ABHD6: variants seen among roughly 807,000 people sequenced by gnomAD.
ABHD6 encodes the protein abhydrolase domain containing 6, acylglycerol lipase.
A neutral mutation model predicts 38.8 loss-of-function variants in ABHD6; 33 were observed. That is an observed-to-expected ratio of 0.85 (90% CI 0.64 to 1.14). ABHD6 has a LOEUF of 1.14. Among genes scored for constraint, ABHD6 ranks in the 50% most tolerant of loss-of-function variants. The pLI, the probability that ABHD6 is intolerant of heterozygous loss-of-function variation, is 0.00. For synonymous variants in ABHD6, 147 were observed against 161.6 expected (o/e 0.91, Z 0.69); for missense variants, 380 against 422.6 (o/e 0.90, Z 0.88).
chr3:58,279,044 G>A (rs2097450935), intron 7 of ABHD6, among the ~76,000 whole-genome samples: 1 of 152,202 alleles, frequency 6.6e-6, no homozygotes, highest in Non-Finnish European at 1.5e-5. Flanking sequence ...TTTAGAATAA[G>A]TGTGATGTGG....
rs1313302221 is a variant in ABHD6 at position 58,293,519 on chromosome 3, C to T, written c.838-70C>T. ...CCCCTGCCAGGCCTTGGTGGAAGTT[C>T]TGTCCACAGAGTGCACACGTGGGTG... On this transcript the variant is annotated intron_variant, in intron 9 of 9. Coordinates refer to ENST00000478253, the MANE Select transcript of ABHD6 (RefSeq NM_001320126.2). This position sits in a 1 kb window ranked among gnomAD's most constrained non-coding sequence, Gnocchi z 4.4. 2.6e-6 allele frequency: 4 copies of T among 1,529,514 alleles called. No homozygotes were observed. In the East Asian group the frequency reaches 6.8e-5, roughly 26 times the overall value. The allele number at this position is 1,529,514 out of a possible 1,614,324, so 94.7% of individuals were successfully genotyped here.
rs372266357 is a variant in ABHD6 at position 58,255,541 on chromosome 3, C to T, written c.-25-1021C>T. On this transcript the variant is annotated intron_variant, in intron 2 of 9. Coordinates refer to ENST00000478253, the MANE Select transcript of ABHD6 (RefSeq NM_001320126.2). ...GTGGTGCAATCATAGCTTACTACAG[C>T]TTCAAACTCCTGGGCTCAAGTGATC... is the stretch of plus-strand genomic sequence containing the variant. Among the ~76,000 whole-genome samples, 6 of 151,376 alleles carry T rather than the reference C, an allele frequency of 4.0e-5. No homozygotes were observed. The East Asian group carries it at 5.8e-4, about 15-fold the overall frequency.
At chr3:58,248,329 T>C (rs1288703661) in intron 1 of ABHD6, among the ~76,000 whole-genome samples, 1 of 152,250 alleles carries the variant, frequency 6.6e-6, no homozygotes, top group Non-Finnish European at 1.5e-5. Flanking sequence ...CTTTTGCCAT[T>C]ATGAATACTA....
chr3:58,268,924 A>G (rs1365944760), intron 4 of ABHD6, among the ~76,000 whole-genome samples: 3 of 152,194 alleles, frequency 2.0e-5, no homozygotes, highest in Non-Finnish European at 2.9e-5. Flanking sequence ...GGAGCTGGCT[A>G]GGATATGAGA....
intron 1 of ABHD6, among the ~76,000 whole-genome samples, chr3:58,246,758 A>G (rs4681829): frequency 0.74 from 113,204 of 152,244 alleles, 43,342 homozygotes; most frequent in East Asian, 1. Context: ...AGGATAGAAC[A>G]ATAAGAACGT....
chr3:58,237,857 A>G lies in ABHD6; in HGVS notation c.-150A>G, dbSNP rs1575508286. On this transcript the variant is annotated 5_prime_UTR_variant, in exon 1 of 10. Coordinates refer to ENST00000478253, the MANE Select transcript of ABHD6 (RefSeq NM_001320126.2). The stretch of plus-strand genomic sequence containing the variant: ...CGGCGGCAGGTCCCAGCCCGGGGCT[A>G]GAGACCGAGGGCCGGGGTCCGGGCC... 6.6e-6 allele frequency: 1 copy of G among 151,600 alleles called. No homozygotes were observed. Among genetic ancestry groups the G allele is most frequent in the Non-Finnish European group, 1.5e-5 (1 of 67,904 alleles). 9.4% of individuals were successfully genotyped at this position (151,600 alleles called of 1,614,324 possible). A position where few individuals can be genotyped will look rare whatever the true frequency, so the allele number is the denominator to read the frequency against.
intron 1 of ABHD6, among the ~76,000 whole-genome samples, chr3:58,248,752 G>C (rs6445963): frequency 6.6e-6 from 1 of 152,114 alleles, no homozygotes; most frequent in East Asian, 1.9e-4. Context: ...TGCATTTTAC[G>C]TAGCCACAGA....
chr3:58,252,942 A>G (rs2097431008), intron 2 of ABHD6, among the ~76,000 whole-genome samples: 1 of 152,226 alleles, frequency 6.6e-6, no homozygotes. Context: ...CTGTACAGAA[A>G]ACTCAGAATT....
chr3:58,275,923 A>G (rs1051135636), intron 7 of ABHD6, among the ~76,000 whole-genome samples: 2 of 152,138 alleles, frequency 1.3e-5, no homozygotes, highest in Non-Finnish European at 2.9e-5. Context: ...AGCTTCATCC[A>G]TGTCCCTGTA....
At position 58,256,346 on chromosome 3, in the gene ABHD6, TTTTTTTTTTTTAC is replaced by T. The variant is rs2097433335; in HGVS notation, c.-25-215_-25-203del. Among the ~76,000 whole-genome samples the T allele has an allele frequency of 8.0e-5, 1 of 12,514 alleles. No individual in the cohort carries two copies. Among genetic ancestry groups the T allele is most frequent in the South Asian group, 5.2e-3 (1 of 192 alleles). The allele number at this position is 12,514 out of a possible 152,430, so 8.2% of individuals were successfully genotyped here. On this transcript the variant is annotated intron_variant, in intron 2 of 9. Transcript: ENST00000478253. This position sits in a 1 kb window ranked among gnomAD's most constrained non-coding sequence, Gnocchi z 4.3. ...TGTCCCAACTATGTCCTTTATAATG[TTTTTTTTTTTTAC>T]AAATCCAGGCTCCTCTGAAAAGTTC... is the stretch of plus-strand genomic sequence containing the variant.
intron 7 of ABHD6, among the ~76,000 whole-genome samples, chr3:58,279,269 A>G (rs1218349782): frequency 6.6e-6 from 1 of 152,168 alleles, no homozygotes; most frequent in East Asian, 1.9e-4. Context: ...AGCTTGCTTT[A>G]TGAATCTGGG....
chr3:58,290,158 G>A (rs1251303730), intron 9 of ABHD6, among the ~76,000 whole-genome samples: 3 of 107,532 alleles, frequency 2.8e-5, no homozygotes, highest in Non-Finnish European at 3.8e-5. Context: ...GCGGCTGGCC[G>A]GGCGGGGGGC....
intron 2 of ABHD6, among the ~76,000 whole-genome samples, chr3:58,254,674 C>T (rs1022562381): frequency 1.3e-5 from 2 of 152,126 alleles, no homozygotes; most frequent in East Asian, 3.9e-4. Flanking sequence ...TTTGGTGAGT[C>T]CTGCACACTT....
intron 7 of ABHD6, among the ~76,000 whole-genome samples, chr3:58,276,365 A>G (rs1483182628): frequency 6.6e-6 from 1 of 152,194 alleles, no homozygotes; most frequent in African/African-American, 2.4e-5. Context: ...TCTGATGACC[A>G]GTGATGATGA....
At position 58,274,735 on chromosome 3, in the gene ABHD6, C is replaced by T. The variant is rs1288314612; in HGVS notation, c.601C>T (p.Pro201Ser). The change falls in exon 7 of 10, where the codon CCC becomes TCC. Residue 201 changes from proline (P) to serine (S), a missense_variant. Transcript: ENST00000478253. Reference sequence around the variant, plus strand: ...GGGCTCTGCCGCCGTGGAGAAGATTCCCTTGATCCCGTCTACCCCAGAAGA... The same window carrying T: ...GGGCTCTGCCGCCGTGGAGAAGATTTCCTTGATCCCGTCTACCCCAGAAGA... ...LQGSAAVEKIPLIPSTPEEMS... is the reference protein window; with the variant it reads ...LQGSAAVEKISLIPSTPEEMS... 1 of 1,614,194 alleles carries T rather than the reference C, an allele frequency of 6.2e-7. No homozygotes were observed. The highest frequency in any genetic ancestry group is 1.1e-5 in the South Asian group (1 of 91,082).
At position 58,287,030 on chromosome 3, in the gene ABHD6, A is replaced by T. The variant is rs1282551834; in HGVS notation, c.837+1577A>T. ...GGTGGCTTACGCCTATAATGCCAGC[A>T]CTTTGGGAGGCTAAGGCAGGAGGAT... On this transcript the variant is annotated intron_variant, in intron 9 of 9. Coordinates refer to ENST00000478253, the MANE Select transcript of ABHD6 (RefSeq NM_001320126.2). This position sits in a 1 kb window ranked among gnomAD's most constrained non-coding sequence, Gnocchi z 4.7. 1.3e-5 allele frequency among the ~76,000 whole-genome samples: 2 copies of T among 150,510 alleles called. No homozygotes were observed. Among genetic ancestry groups the T allele is most frequent in the Admixed American group, 1.3e-4 (2 of 15,122 alleles).
In ABHD6 at chr3:58,259,074, G is replaced by T. The variant is rs1273768015; in HGVS notation, c.119+2369G>T. On this transcript the variant is annotated intron_variant, in intron 3 of 9. Coordinates refer to ENST00000478253, the MANE Select transcript of ABHD6 (RefSeq NM_001320126.2). The surrounding 1 kb of genome is among the most constrained non-coding windows in gnomAD (Gnocchi z 4.7). The stretch of plus-strand genomic sequence containing the variant: ...CATCATGGACTGCCACACACAAAAC[G>T]CCGTTTTTATTAACGACATGAAATT... Among the ~76,000 whole-genome samples the T allele has an allele frequency of 6.6e-6, 1 of 152,118 alleles. No individual in the cohort carries two copies. Among genetic ancestry groups the T allele is most frequent in the Non-Finnish European group, 1.5e-5 (1 of 68,022 alleles).
intron 7 of ABHD6, among the ~76,000 whole-genome samples, chr3:58,282,659 C>A (rs2097454217): frequency 6.6e-6 from 1 of 152,008 alleles, no homozygotes; most frequent in South Asian, 2.1e-4. Context: ...TCACCTGAGC[C>A]CAGGAGGCAG....
At chr3:58,262,360 C>T (rs1270730405) in intron 3 of ABHD6, among the ~76,000 whole-genome samples, 1 of 152,176 alleles carries the variant, frequency 6.6e-6, no homozygotes, top group Non-Finnish European at 1.5e-5. Flanking sequence ...TCTGTAAGTA[C>T]TTTTCTTCAG....
Sources: gnomAD v4.1 joint callset for allele counts (sites outside exome capture counted in the v4.1 genomes callset) on GRCh38, gnomAD v4.1.1 for gene constraint, Gnocchi (gnomAD v3.1) non-coding constraint, MANE v1.5 for transcripts, NCBI Gene and HGNC (gene_info 2026-07-23, HGNC 2026-07-21) for gene names.